RIMS2: variants seen among roughly 807,000 people sequenced by gnomAD.
RIMS2 encodes the protein regulating synaptic membrane exocytosis 2, also known as regulating synaptic membrane exocytosis protein 2.
In RIMS2, 59 loss-of-function variants were observed where a neutral mutation model predicts 174.4. That is an observed-to-expected ratio of 0.34 (90% confidence interval 0.27 to 0.42). RIMS2 has a LOEUF of 0.42. Ranked by LOEUF, RIMS2 falls within the 10% of genes least tolerant of loss-of-function variation. The probability of loss-of-function intolerance (pLI) is 1.00; values close to 1 mark genes in which losing one functional copy is unlikely to be tolerated. For missense variants in RIMS2, 1,620 were observed against 1,666.3 expected (o/e 0.97, Z 0.48); for synonymous variants, 606 against 572.5 (o/e 1.06, Z -0.84).
At chr8:104,156,848 G>A (rs887567588) in intron 19 of RIMS2, among the ~76,000 whole-genome samples, 1 of 152,096 alleles carries the variant, frequency 6.6e-6, no homozygotes, top group Non-Finnish European at 1.5e-5. Flanking sequence ...TTCAGACCAG[G>A]CATACAGAAA....
chr8:103,833,004 C>A (rs2098835405), intron 3 of RIMS2, among the ~76,000 whole-genome samples: 1 of 152,238 alleles, frequency 6.6e-6, no homozygotes, highest in African/African-American at 2.4e-5. Context: ...TTTCTTCAGC[C>A]TGGAGAACAC....
chr8:103,960,985 C>T (rs558205144), intron 14 of RIMS2, 80 bp from the exon 17 acceptor site: 14 of 774,916 alleles, frequency 1.8e-5, no homozygotes, highest in East Asian at 9.8e-5. Flanking sequence ...AGAATATTTT[C>T]GTTTGTTTTT....
In RIMS2 at chr8:103,884,265, A is replaced by C. The variant is rs187458891; in HGVS notation, c.699-1033A>C. ...AAGAAATTCACAACTGAACTGTTGA[A>C]TCTTAGTCATCTTTAACTTCAGCTG... On this transcript the variant is annotated intron_variant, in intron 3 of 23. Transcript: ENST00000504942. Among the ~76,000 whole-genome samples, 4 of 152,018 alleles carry C rather than the reference A, an allele frequency of 2.6e-5. No individual in the cohort carries two copies. In the East Asian group the frequency reaches 7.8e-4, roughly 30 times the overall value.
intron 1 of RIMS2, among the ~76,000 whole-genome samples, chr8:103,669,526 C>T (rs1322957606): frequency 6.6e-6 from 1 of 152,166 alleles, no homozygotes; most frequent in Admixed American, 6.5e-5. Context: ...CACCTATGAG[C>T]CTGTAAAATC....
chr8:103,987,503 T>C (rs1342631033), intron 16 of RIMS2, among the ~76,000 whole-genome samples: 1 of 152,174 alleles, frequency 6.6e-6, no homozygotes, highest in South Asian at 2.1e-4. Context: ...CTACACTTCA[T>C]AAAGGCTTAA....
At chr8:103,781,339 A>G (rs189417777) in intron 3 of RIMS2, among the ~76,000 whole-genome samples, 45 of 152,170 alleles carry the variant, frequency 3.0e-4, no homozygotes, top group African/African-American at 1.1e-3. Flanking sequence ...ATTCTGGGAT[A>G]TTGCTGATGA....
chr8:104,063,337 A>G (rs1369007883), intron 19 of RIMS2, among the ~76,000 whole-genome samples: 3 of 152,156 alleles, frequency 2.0e-5, no homozygotes, highest in African/African-American at 7.2e-5. Context: ...TCTAACCTCA[A>G]ATTATTTCAA....
intron 1 of RIMS2, among the ~76,000 whole-genome samples, chr8:103,509,590 C>A (rs1242243943): frequency 2.6e-5 from 4 of 151,996 alleles, no homozygotes; most frequent in African/African-American, 9.7e-5. Context: ...TATTAGCTTA[C>A]TGAATTATTG....
At chr8:103,762,509 C>G (rs2098123079) in intron 2 of RIMS2, among the ~76,000 whole-genome samples, 1 of 152,176 alleles carries the variant, frequency 6.6e-6, no homozygotes, top group Admixed American at 6.5e-5. Flanking sequence ...GAATTTATCT[C>G]TAATAGCTAT....
chr8:104,228,091 C>T (rs1234524423), intron 19 of RIMS2, among the ~76,000 whole-genome samples: 4 of 146,944 alleles, frequency 2.7e-5, no homozygotes, highest in Non-Finnish European at 5.9e-5. Context: ...TGCAGTGGTG[C>T]GATCTCGGCT....
chr8:104,025,332 T>A, intron 19 of RIMS2, among the ~76,000 whole-genome samples: 1 of 151,780 alleles, frequency 6.6e-6, no homozygotes, highest in East Asian at 1.9e-4. Flanking sequence ...ACAAAAAAAT[T>A]TAAAAATTAC....
intron 19 of RIMS2, among the ~76,000 whole-genome samples, chr8:104,096,816 C>T (rs895962616): frequency 1.3e-5 from 2 of 150,682 alleles, no homozygotes. Context: ...TGCAGTGAGC[C>T]GAGATCATGC....
At chr8:103,539,469 G>A (rs1278380863) in intron 1 of RIMS2, among the ~76,000 whole-genome samples, 1 of 152,218 alleles carries the variant, frequency 6.6e-6, no homozygotes, top group Non-Finnish European at 1.5e-5. Flanking sequence ...AGAAAACATG[G>A]AGAATATCCA....
At chr8:103,710,090 A>T (rs910326940) in intron 2 of RIMS2, among the ~76,000 whole-genome samples, 3 of 151,930 alleles carry the variant, frequency 2.0e-5, no homozygotes, top group African/African-American at 7.3e-5. Flanking sequence ...TAGTTGCCTT[A>T]TGTAGAAGGC....
At chr8:104,231,356 TTC>T (rs780879964) in intron 19 of RIMS2, among the ~76,000 whole-genome samples, 3,445 of 150,584 alleles carry the variant, frequency 0.023, 130 homozygotes, top group African/African-American at 0.077. Flanking sequence ...ATGAGGTGTT[TTC>T]TTTTTTTATG....
At chr8:104,001,938 G>GTA (rs1430671273) in intron 17 of RIMS2, among the ~76,000 whole-genome samples, 1 of 151,864 alleles carries the variant, frequency 6.6e-6, no homozygotes, top group Non-Finnish European at 1.5e-5. Context: ...TTAGAACCTG[G>GTA]CTGTAGTCTT....
intron 12 of RIMS2, among the ~76,000 whole-genome samples, chr8:103,932,958 A>G (rs1260430383): frequency 6.6e-6 from 1 of 150,386 alleles, no homozygotes; most frequent in African/African-American, 2.5e-5. Context: ...GGAGTTTGAG[A>G]CCAGTCTGGC....
intron 3 of RIMS2, among the ~76,000 whole-genome samples, chr8:103,879,655 A>G (rs1039977937): frequency 2.0e-5 from 3 of 151,752 alleles, no homozygotes; most frequent in African/African-American, 7.2e-5. Context: ...GTGAATACCT[A>G]TACAAATAGT....
intron 11 of RIMS2, among the ~76,000 whole-genome samples, chr8:103,928,339 G>A (rs1386558114): frequency 2.0e-5 from 3 of 151,376 alleles, no homozygotes; most frequent in African/African-American, 7.3e-5. Flanking sequence ...AAATAAATTT[G>A]TACCTTACTT....
Sources: allele counts gnomAD v4.1 joint callset (sites outside exome capture counted in the v4.1 genomes callset), GRCh38; gene constraint gnomAD v4.1.1; transcripts MANE v1.5; gene names NCBI Gene and HGNC (gene_info 2026-07-23, HGNC 2026-07-21).